Variants in ERICH5 observed in about 807,000 individuals in gnomAD.
The protein encoded by ERICH5 is glutamate rich 5.
Under a neutral mutation model 28.0 loss-of-function variants are expected in ERICH5, and 24 were observed. The observed-to-expected ratio is 0.86, with a 90% CI of 0.62 to 1.21. ERICH5 has a LOEUF of 1.21. Ranked by LOEUF, ERICH5 falls within the 50% of genes most tolerant of loss-of-function variation. The probability of loss-of-function intolerance (pLI) is 0.00; values close to 1 mark genes in which losing one functional copy is unlikely to be tolerated. For missense variants in ERICH5, 421 were observed against 441.2 expected (o/e 0.95, Z 0.41); for synonymous variants, 163 against 157.6 (o/e 1.03, Z -0.25).
rs145238730 is a variant in ERICH5 at position 98,068,630 on chromosome 8, G to A, written c.58+3903G>A. Among the ~76,000 whole-genome samples the A allele has an allele frequency of 2.0e-5, 3 of 152,118 alleles. No individual in the cohort carries two copies. In the South Asian group the frequency reaches 6.2e-4, roughly 32 times the overall value. On this transcript the variant is annotated intron_variant, in intron 1 of 2. Coordinates refer to ENST00000318528, the MANE Select transcript of ERICH5 (RefSeq NM_173549.3). ...TCCACAGACCTTAATGTGCCTGAAG[G>A]TGTCTATAGACGTTCACATCCAAAC...
chr8:98,089,901 A>G lies in ERICH5; in HGVS notation c.884A>G (p.Asn295Ser). The change falls in exon 2 of 3, where the codon AAC becomes AGC. Residue 295 changes from asparagine to serine, a missense_variant. Asn to Ser is a conservative substitution (Grantham distance 46). Coordinates refer to ENST00000318528, the MANE Select transcript of ERICH5 (RefSeq NM_173549.3). ...CATAAAACTCCTGAAGGTCCAGGAA[A>G]CATGGAGCAGATTCAACCTGAAGGA... ...PFHKTPEGPG[N>S]MEQIQPEGIV... is the part of the protein sequence containing the mutation. 2 of 1,614,252 alleles carry G rather than the reference A, an allele frequency of 1.2e-6. No homozygotes were observed. The highest frequency in any genetic ancestry group is 1.7e-6 in the Non-Finnish European group (2 of 1,180,046).
intron 1 of ERICH5, among the ~76,000 whole-genome samples, chr8:98,067,939 C>T (rs10092558): frequency 6.6e-6 from 1 of 151,730 alleles, no homozygotes; most frequent in Non-Finnish European, 1.5e-5. Flanking sequence ...AGAATAATCC[C>T]TTATTATGAT....
intron 2 of ERICH5, among the ~76,000 whole-genome samples, chr8:98,090,550 C>A (rs959597785): frequency 1.7e-4 from 26 of 151,340 alleles, no homozygotes; most frequent in African/African-American, 5.6e-4. Flanking sequence ...ATAGCTTGAG[C>A]CCAGCAGTTC....
At chr8:98,086,417 A>G (rs1410886735) in intron 1 of ERICH5, among the ~76,000 whole-genome samples, 1 of 152,202 alleles carries the variant, frequency 6.6e-6, no homozygotes, top group African/African-American at 2.4e-5. Context: ...ATATGAATAC[A>G]TGTGTTCAAA....
At chr8:98,089,029 A>G in intron 1 of ERICH5, 47 bp from the exon 2 acceptor site, 16 of 1,399,914 alleles carry the variant, frequency 1.1e-5, no homozygotes, top group Non-Finnish European at 1.6e-5. Flanking sequence ...CTAAACAATA[A>G]TTTGTGTTTT....
At chr8:98,069,405 G>A (rs1027664069) in intron 1 of ERICH5, among the ~76,000 whole-genome samples, 5 of 150,872 alleles carry the variant, frequency 3.3e-5, no homozygotes, top group African/African-American at 4.9e-5. Context: ...ATATTCTTTT[G>A]AAGTTTATTT....
chr8:98,079,109 C>G (rs768782791), intron 1 of ERICH5, among the ~76,000 whole-genome samples: 2 of 151,312 alleles, frequency 1.3e-5, no homozygotes, highest in Admixed American at 6.6e-5. Context: ...TTTGAATTTC[C>G]CCGAAGACAG....
chr8:98,091,926 TTTCTTTCTTCCTTTCTTTCTTTC>T (rs1815410353), intron 2 of ERICH5, among the ~76,000 whole-genome samples: 1 of 74,170 alleles, frequency 1.3e-5, no homozygotes, highest in African/African-American at 5.2e-5. Context: ...TCTTCCTTTC[TTTCTTTCTTCCTTTCTTTCTTTC>T]TTCTTTCTTT....
At position 98,081,245 on chromosome 8, in the gene ERICH5, A is replaced by ACAGG. The variant is rs374418059; in HGVS notation, c.59-7829_59-7826dup. Reference sequence around the variant, plus strand: ...CTCGGCCTCCTGAGTAGCTGGAACTACAGGCCTGCACCACCATACCCAGCT... The same window carrying ACAGG: ...CTCGGCCTCCTGAGTAGCTGGAACTACAGGCAGGCCTGCACCACCATACCCAGCT... On this transcript the variant is annotated intron_variant, in intron 1 of 2. Coordinates refer to ENST00000318528, the MANE Select transcript of ERICH5 (RefSeq NM_173549.3). Among the ~76,000 whole-genome samples, 782 of 152,084 alleles carry ACAGG rather than the reference A, an allele frequency of 5.1e-3. 7 individuals carry two copies. Among genetic ancestry groups the ACAGG allele is most frequent in the African/African-American group, 0.018 (748 of 41,484 alleles).
chr8:98,093,337 G>A lies in ERICH5; in HGVS notation c.*4G>A, dbSNP rs761527605. The A allele has an allele frequency of 1.9e-6, 3 of 1,604,190 alleles. No homozygotes were observed. Among genetic ancestry groups the A allele is most frequent in the South Asian group, 2.2e-5 (2 of 90,686 alleles). ...GGACCTTTCAGCAGCCACATAGATAGAAGAGTGAACCGACACAGTGTGTTA... is the reference window on the plus strand; with the variant it reads ...GGACCTTTCAGCAGCCACATAGATAAAAGAGTGAACCGACACAGTGTGTTA... On this transcript the variant is annotated 3_prime_UTR_variant, in exon 3 of 3. Coordinates refer to ENST00000318528, the MANE Select transcript of ERICH5 (RefSeq NM_173549.3).
At chr8:98,082,171 G>A (rs1353633327) in intron 1 of ERICH5, among the ~76,000 whole-genome samples, 1 of 152,152 alleles carries the variant, frequency 6.6e-6, no homozygotes, top group Non-Finnish European at 1.5e-5. Context: ...TATTTTGTGT[G>A]TGTATGGTCA....
In ERICH5 at chr8:98,089,812, T is replaced by C. The variant is rs373715169; in HGVS notation, c.795T>C (p.Asn265=). ...PQLLERIPKE[N]VTPEVLDRSQ... ...TTCTAGAAAGAATTCCCAAAGAGAA[T>C]GTAACACCAGAAGTATTGGACAGAA... The change falls in exon 2 of 3, where the codon AAT becomes AAC. Residue 265 remains asparagine, a synonymous_variant. Coordinates refer to ENST00000318528, the MANE Select transcript of ERICH5 (RefSeq NM_173549.3). The C allele has an allele frequency of 8.1e-5, 130 of 1,614,114 alleles. 2 individuals carry two copies. The highest frequency in any genetic ancestry group is 6.6e-4 in the Middle Eastern group (4 of 6,062).
At chr8:98,081,616 G>A (rs933277099) in intron 1 of ERICH5, among the ~76,000 whole-genome samples, 12 of 152,126 alleles carry the variant, frequency 7.9e-5, no homozygotes, top group Admixed American at 2.0e-4. Context: ...GCTAGTAAGT[G>A]CAGGAACTGG....
intron 1 of ERICH5, among the ~76,000 whole-genome samples, chr8:98,067,934 A>G (rs1260443071): frequency 1.3e-5 from 2 of 152,120 alleles, no homozygotes; most frequent in Non-Finnish European, 2.9e-5. Context: ...GGGATAGAAT[A>G]ATCCCTTATT....
chr8:98,064,705 C>T lies in ERICH5; in HGVS notation c.36C>T (p.Gly12=). 6.5e-7 allele frequency: 1 copy of T among 1,534,960 alleles called. No individual in the cohort carries two copies. Among genetic ancestry groups the T allele is most frequent in the Non-Finnish European group, 8.7e-7 (1 of 1,143,518 alleles). The change falls in exon 1 of 3, where the codon GGC becomes GGT. Residue 12 remains glycine, a synonymous_variant. Transcript: ENST00000318528. ...GCSSSALNKA[G]DSSRFPSVTS... is the part of the protein sequence containing the mutation. Reference sequence around the variant, plus strand: ...CCAGCAGCGCCCTCAACAAGGCCGGCGACAGCAGCAGGTTCCCCAGCGGTG... The same window carrying T: ...CCAGCAGCGCCCTCAACAAGGCCGGTGACAGCAGCAGGTTCCCCAGCGGTG...
At chr8:98,073,140 C>T (rs951200358) in intron 1 of ERICH5, among the ~76,000 whole-genome samples, 6 of 151,912 alleles carry the variant, frequency 3.9e-5, no homozygotes, top group African/African-American at 1.5e-4. Context: ...GGGTTCAAAT[C>T]CTCGTTCAGG....
At chr8:98,083,656 C>G (rs1363384124) in intron 1 of ERICH5, among the ~76,000 whole-genome samples, 1 of 152,130 alleles carries the variant, frequency 6.6e-6, no homozygotes, top group Admixed American at 6.5e-5. Context: ...TCACAGGAAC[C>G]TCTATGTAAA....
At chr8:98,077,277 T>G (rs1815073972) in intron 1 of ERICH5, among the ~76,000 whole-genome samples, 1 of 152,126 alleles carries the variant, frequency 6.6e-6, no homozygotes, top group Admixed American at 6.5e-5. Context: ...CAAGTCCTAT[T>G]TGGGTTGGTG....
chr8:98,075,538 A>C (rs981552433), intron 1 of ERICH5, among the ~76,000 whole-genome samples: 14 of 152,078 alleles, frequency 9.2e-5, no homozygotes, highest in African/African-American at 3.4e-4. Flanking sequence ...AAGTCATCTG[A>C]ATTGCATGTA....
Sources: gnomAD v4.1 joint callset for allele counts (sites outside exome capture counted in the v4.1 genomes callset) on GRCh38, gnomAD v4.1.1 for gene constraint, MANE v1.5 for transcripts, NCBI Gene and HGNC (gene_info 2026-07-23, HGNC 2026-07-21) for gene names.